Variants in ADGRB3 observed in about 807,000 individuals in gnomAD.
The protein encoded by ADGRB3 is brain-specific angiogenesis inhibitor 3.
ADGRB3 carries 37 observed loss-of-function variants against 193.4 expected under a neutral mutation model. The ratio of observed to expected loss-of-function variants is 0.19; its 90% CI spans 0.15 to 0.25. The LOEUF is 0.25. Ranked by LOEUF, ADGRB3 falls within the 10% of genes least tolerant of loss-of-function variation. The pLI is 1.00. For synonymous variants in ADGRB3, 690 were observed against 644.2 expected, an observed-to-expected ratio of 1.07 and a Z score of -1.08; for missense variants, 1,637 against 1,852.9, an observed-to-expected ratio of 0.88 and a Z score of 2.14.
intron 3 of ADGRB3, among the ~76,000 whole-genome samples, chr6:68,790,714 T>C (rs1582204910): frequency 6.6e-6 from 1 of 152,180 alleles, no homozygotes; most frequent in South Asian, 2.1e-4. Context: ...CCAACAGACC[T>C]GCAGCTGAGG....
chr6:69,068,753 C>A (rs1582437127), intron 16 of ADGRB3, among the ~76,000 whole-genome samples: 2 of 152,252 alleles, frequency 1.3e-5, no homozygotes, highest in East Asian at 3.9e-4. Flanking sequence ...TTAATGTGGG[C>A]TACTAACTGT....
chr6:68,957,313 T>G (rs2150257077), intron 8 of ADGRB3, among the ~76,000 whole-genome samples: 1 of 152,092 alleles, frequency 6.6e-6, no homozygotes, highest in Non-Finnish European at 1.5e-5. Flanking sequence ...GCAGAGAAAA[T>G]AATGAAAGGT....
At chr6:68,674,341 C>T (rs1438746399) in intron 3 of ADGRB3, among the ~76,000 whole-genome samples, 1 of 151,916 alleles carries the variant, frequency 6.6e-6, no homozygotes, top group Non-Finnish European at 1.5e-5. Flanking sequence ...CATTGTAAGA[C>T]AATAGAAGGG....
At chr6:68,742,347 A>G (rs1765998211) in intron 3 of ADGRB3, among the ~76,000 whole-genome samples, 1 of 152,178 alleles carries the variant, frequency 6.6e-6, no homozygotes, top group South Asian at 2.1e-4. Context: ...ATGACAGGTC[A>G]TACACATTTT....
chr6:69,271,756 A>T (rs998757828), intron 20 of ADGRB3, among the ~76,000 whole-genome samples: 4 of 152,142 alleles, frequency 2.6e-5, no homozygotes, highest in Non-Finnish European at 4.4e-5. Context: ...ACACACAGAC[A>T]CACCCCTTTC....
chr6:68,660,640 T>C (rs1408961697), intron 3 of ADGRB3, among the ~76,000 whole-genome samples: 1 of 151,146 alleles, frequency 6.6e-6, no homozygotes, highest in Non-Finnish European at 1.5e-5. Context: ...AAAGATAAGA[T>C]TGAAACACTT....
At chr6:68,941,836 T>C (rs1767651281) in intron 5 of ADGRB3, among the ~76,000 whole-genome samples, 1 of 151,376 alleles carries the variant, frequency 6.6e-6, no homozygotes, top group Non-Finnish European at 1.5e-5. Flanking sequence ...TGATCATATA[T>C]ACATATATGA....
At chr6:68,989,354 A>G (rs1769168646) in intron 10 of ADGRB3, among the ~76,000 whole-genome samples, 2 of 152,174 alleles carry the variant, frequency 1.3e-5, no homozygotes, top group African/African-American at 4.8e-5. Context: ...TAAGTAAAAT[A>G]TTGTCATTGA....
chr6:69,048,387 T>C, intron 14 of ADGRB3, 53 bp downstream of exon 14: 1 of 1,531,994 alleles, frequency 6.5e-7, no homozygotes, highest in South Asian at 1.2e-5. Flanking sequence ...ATAAGGTCAT[T>C]TAATTAGAAA....
At chr6:69,004,180 A>G (rs1390837772) in intron 11 of ADGRB3, among the ~76,000 whole-genome samples, 8 of 152,208 alleles carry the variant, frequency 5.3e-5, no homozygotes, top group African/African-American at 1.7e-4. Flanking sequence ...TAGGGCTACC[A>G]TAACAAATAC....
intron 13 of ADGRB3, 103 bp downstream of exon 13, chr6:69,018,602 A>C: frequency 1.4e-6 from 1 of 709,040 alleles, no homozygotes; most frequent in South Asian, 2.0e-5. Flanking sequence ...TCATATGTTT[A>C]ACTGCATGTG....
chr6:69,039,742 CTTTTTTTTT>C (rs34543678), intron 13 of ADGRB3, among the ~76,000 whole-genome samples: 2 of 130,238 alleles, frequency 1.5e-5, no homozygotes, highest in African/African-American at 5.8e-5. Flanking sequence ...TTGTTTTTTT[CTTTTTTTTT>C]TTTTTTTTGA....
At chr6:69,040,363 TTC>T (rs1554251311) in intron 13 of ADGRB3, among the ~76,000 whole-genome samples, 1 of 53,602 alleles carries the variant, frequency 1.9e-5, no homozygotes, top group Non-Finnish European at 4.0e-5. Context: ...CTTTCTTTCT[TTC>T]TTTCTTTCTT....
intron 20 of ADGRB3, among the ~76,000 whole-genome samples, chr6:69,253,666 A>G (rs1162006178): frequency 1.3e-5 from 2 of 152,124 alleles, no homozygotes; most frequent in Non-Finnish European, 2.9e-5. Flanking sequence ...TGCTCCAAGC[A>G]GTTGTTTCCT....
chr6:68,759,352 G>A (rs572769485), intron 3 of ADGRB3, among the ~76,000 whole-genome samples: 4 of 152,146 alleles, frequency 2.6e-5, no homozygotes, highest in African/African-American at 7.2e-5. Flanking sequence ...CAGTTCAAAA[G>A]CATTTACATA....
At chr6:68,889,821 G>A (rs967336790) in intron 3 of ADGRB3, among the ~76,000 whole-genome samples, 7 of 151,916 alleles carry the variant, frequency 4.6e-5, no homozygotes, top group Non-Finnish European at 1.5e-5. Context: ...ATTCTTAAAC[G>A]AGCAATAGTG....
intron 20 of ADGRB3, among the ~76,000 whole-genome samples, chr6:69,316,172 T>C (rs943016795): frequency 6.6e-6 from 1 of 151,372 alleles, no homozygotes; most frequent in African/African-American, 2.4e-5. Flanking sequence ...GGAAATAAAG[T>C]AAATATAGTA....
Position 69,307,427 on chromosome 6 carries a change from CT to C in ADGRB3, c.2815-17441del, listed in dbSNP as rs1484202979. 4.2e-4 allele frequency among the ~76,000 whole-genome samples: 64 copies of C among 151,674 alleles called. 1 individual carries two copies. The highest frequency in any genetic ancestry group is 1.5e-3 in the African/African-American group (62 of 41,304). On this transcript the variant is annotated intron_variant, in intron 20 of 31. Transcript: ENST00000370598. ...GAATATGAAATTTCACAGTCTCTGG[CT>C]TTTGACTAATTTCAATATTGGTACA...
At chr6:68,908,997 C>G (rs977307706) in intron 3 of ADGRB3, among the ~76,000 whole-genome samples, 1 of 152,226 alleles carries the variant, frequency 6.6e-6, no homozygotes, top group Non-Finnish European at 1.5e-5. Flanking sequence ...TGGATGAAAT[C>G]CTGTCAATAT....
Sources: allele counts gnomAD v4.1 joint callset (sites outside exome capture counted in the v4.1 genomes callset), GRCh38; gene constraint gnomAD v4.1.1; transcripts MANE v1.5; gene names NCBI Gene and HGNC (gene_info 2026-07-23, HGNC 2026-07-21).